The following PDE1A variants were observed in gnomAD, a reference collection of about 807,000 sequenced individuals.
PDE1A encodes the protein phosphodiesterase 1A.
A neutral mutation model predicts 61.7 loss-of-function variants in PDE1A; 35 were observed. That is an observed-to-expected ratio of 0.57 (90% CI 0.43 to 0.75). PDE1A has a LOEUF of 0.75. Ranked by LOEUF, PDE1A falls within the 30% of genes least tolerant of loss-of-function variation. PDE1A has a pLI of 0.00. For synonymous variants in PDE1A, 232 were observed against 213.2 expected, an observed-to-expected ratio of 1.09 and a Z score of -0.77; for missense variants, 597 against 630.6, an observed-to-expected ratio of 0.95 and a Z score of 0.57.
chr2:182,525,353 A>T (rs1179105950), upstream of PDE1A, among the ~76,000 whole-genome samples: 4 of 152,132 alleles, frequency 2.6e-5, no homozygotes, highest in Non-Finnish European at 4.4e-5. Flanking sequence ...TTGTTTAGAA[A>T]CTACATCCTT....
the PDE1A span, among the ~76,000 whole-genome samples, chr2:182,566,569 A>C: frequency 4.6e-5 from 7 of 151,840 alleles, no homozygotes; most frequent in South Asian, 6.2e-4. Context: ...ATTAGATTTT[A>C]AATATTTCTT....
At chr2:182,487,535 A>G (rs1304058922) in intron 2 of PDE1A, among the ~76,000 whole-genome samples, 1 of 152,204 alleles carries the variant, frequency 6.6e-6, no homozygotes, top group African/African-American at 2.4e-5. Context: ...AAAATATGAC[A>G]TCTATAAAAT....
chr2:182,331,816 A>T (rs1430940380), intron 1 of PDE1A, among the ~76,000 whole-genome samples: 1 of 152,140 alleles, frequency 6.6e-6, no homozygotes, highest in East Asian at 1.9e-4. Context: ...GAATCTGACA[A>T]TTATGTGTCT....
chr2:182,426,621 G>A (rs763346138), exon 1 of PDE1A: 7 of 1,612,194 alleles, frequency 4.3e-6, no homozygotes, highest in South Asian at 1.1e-5. Flanking sequence ...ATTGTGACAT[G>A]GTCATCCATT....
intron 2 of PDE1A, among the ~76,000 whole-genome samples, chr2:182,491,459 C>A (rs1688388374): frequency 6.6e-6 from 1 of 151,904 alleles, no homozygotes; most frequent in Non-Finnish European, 1.5e-5. Flanking sequence ...AATTGGAGGT[C>A]CCAGTAGGGA....
chr2:182,389,776 G>T (rs561163027), intron 1 of PDE1A, among the ~76,000 whole-genome samples: 1 of 152,266 alleles, frequency 6.6e-6, no homozygotes, highest in South Asian at 2.1e-4. Flanking sequence ...CTCAATCTGG[G>T]TGAGCACCAT....
intron 13 of PDE1A, among the ~76,000 whole-genome samples, chr2:182,183,078 A>T (rs779168684): frequency 8.5e-5 from 13 of 152,182 alleles, no homozygotes; most frequent in Non-Finnish European, 1.0e-4. Flanking sequence ...AACATAAATA[A>T]TATAGTAATA....
intron 2 of PDE1A, among the ~76,000 whole-genome samples, chr2:182,246,073 T>TTAAG (rs1690924553): frequency 6.6e-6 from 1 of 152,176 alleles, no homozygotes; most frequent in Non-Finnish European, 1.5e-5. Flanking sequence ...CTTTTAAAGT[T>TTAAG]TAAGTCAGAC....
chr2:182,220,843 C>T (rs1336657230), intron 7 of PDE1A, among the ~76,000 whole-genome samples: 2 of 151,938 alleles, frequency 1.3e-5, no homozygotes, highest in African/African-American at 4.8e-5. Context: ...ATATAAATGA[C>T]ATATGACCTT....
At chr2:182,417,443 T>G (rs1055618697) in intron 1 of PDE1A, among the ~76,000 whole-genome samples, 2 of 152,186 alleles carry the variant, frequency 1.3e-5, no homozygotes, top group Admixed American at 6.5e-5. Context: ...ACCTAATTTT[T>G]GGGATTTTTT....
At chr2:182,223,867 G>C in exon 7 of PDE1A, 1 of 1,559,146 alleles carries the variant, frequency 6.4e-7, no homozygotes, top group East Asian at 2.3e-5. Flanking sequence ...GACTTACCTT[G>C]TCTGAATGTG....
intron 1 of PDE1A, among the ~76,000 whole-genome samples, chr2:182,336,043 A>G (rs1167908134): frequency 6.6e-6 from 1 of 152,238 alleles, no homozygotes; most frequent in Non-Finnish European, 1.5e-5. Flanking sequence ...GTCATTAGAG[A>G]AATGCAAATC....
chr2:182,203,324 A>AC (rs1553535918), intron 8 of PDE1A, among the ~76,000 whole-genome samples: 1 of 151,756 alleles, frequency 6.6e-6, no homozygotes. Context: ...CGTCTGAAAA[A>AC]AAAACAAAAC....
chr2:182,705,674 C>T, the PDE1A span, among the ~76,000 whole-genome samples: 1 of 152,092 alleles, frequency 6.6e-6, no homozygotes, highest in Non-Finnish European at 1.5e-5. Context: ...CCACCAAGCC[C>T]AGCTAATTTT....
chr2:182,329,880 G>C (rs1697289554), intron 1 of PDE1A, among the ~76,000 whole-genome samples: 1 of 152,178 alleles, frequency 6.6e-6, no homozygotes, highest in Non-Finnish European at 1.5e-5. Context: ...AAAGTTCCAT[G>C]AAAGCGGGTT....
chr2:182,385,377 TATA>T (rs1384974508), intron 1 of PDE1A, among the ~76,000 whole-genome samples: 1 of 151,708 alleles, frequency 6.6e-6, no homozygotes, highest in Non-Finnish European at 1.5e-5. Flanking sequence ...AAATATGAAA[TATA>T]AAAAGATGGA....
exon 12 of PDE1A, chr2:182,186,583 T>C (rs753365637): frequency 6.2e-7 from 1 of 1,601,910 alleles, no homozygotes; most frequent in Non-Finnish European, 8.5e-7. Flanking sequence ...ATGAAATCGA[T>C]GAAACCTACA....
At chr2:182,298,298 G>A (rs1361069022) in intron 1 of PDE1A, among the ~76,000 whole-genome samples, 1 of 152,178 alleles carries the variant, frequency 6.6e-6, no homozygotes, top group Non-Finnish European at 1.5e-5. Flanking sequence ...GACAGTATCA[G>A]TTGAGCTCAC....
chr2:182,190,466 G>C (rs1685594292), intron 10 of PDE1A, among the ~76,000 whole-genome samples: 1 of 152,188 alleles, frequency 6.6e-6, no homozygotes, highest in Non-Finnish European at 1.5e-5. Context: ...GGTTATTGCT[G>C]TTACTTCAGA....
Sources: gnomAD v4.1 joint callset for allele counts (sites outside exome capture counted in the v4.1 genomes callset) on GRCh38, gnomAD v4.1.1 for gene constraint, MANE v1.5 for transcripts, NCBI Gene and HGNC (gene_info 2026-07-23, HGNC 2026-07-21) for gene names.